The following IFFO1 variants were observed in gnomAD, a reference collection of about 807,000 sequenced individuals.
IFFO1 encodes the protein intermediate filament family orphan 1.
Under a neutral mutation model 59.6 loss-of-function variants are expected in IFFO1, and 42 were observed. That is an observed-to-expected ratio of 0.70 (90% CI 0.55 to 0.91). The LOEUF is 0.91. Ranked by LOEUF, IFFO1 falls within the 40% of genes least tolerant of loss-of-function variation. IFFO1 has a pLI of 0.00. For missense variants in IFFO1, 711 were observed against 793.2 expected (o/e 0.90, Z 1.24); for synonymous variants, 336 against 342.8 (o/e 0.98, Z 0.22).
downstream of IFFO1, chr12:6,538,991 A>ATG (rs1491182994): frequency 2.6e-5 from 4 of 152,202 alleles, no homozygotes; most frequent in African/African-American, 9.7e-5. Flanking sequence ...ATGAACTGAG[A>ATG]TGTGTCAGGG....
Position 6,555,966 on chromosome 12 carries a change from GC to G in IFFO1, c.63del (p.Pro22HisfsTer59), listed in dbSNP as rs1947434103. On this transcript the variant is annotated frameshift_variant, in exon 1 of 10. Coordinates refer to ENST00000619571, the MANE Select transcript of IFFO1 (RefSeq NM_001193457.2). LOFTEE classifies it high-confidence loss of function. This position sits in a 1 kb window ranked among gnomAD's most constrained non-coding sequence, Gnocchi z 8.6. Reference sequence around the variant, plus strand: ...TCGCCTCCCAGTGAGTCCCCCAGTGGCCCGGCCAGGCCCTGCTGCTCCTGCT... The same window carrying G: ...TCGCCTCCCAGTGAGTCCCCCAGTGGCCGGCCAGGCCCTGCTGCTCCTGCT... ...LLQQEQQGLA[G>X]PLGDSLGGDH... 2 of 1,566,194 alleles carry G rather than the reference GC, an allele frequency of 1.3e-6. No homozygotes were observed. The highest frequency in any genetic ancestry group is 1.7e-6 in the Non-Finnish European group (2 of 1,163,078).
chr12:6,555,506 G>A lies in IFFO1; in HGVS notation c.524C>T (p.Ser175Leu). Residue 175 changes from serine (S) to leucine (L), a missense_variant, in exon 1 of 10, where the codon TCG (serine) becomes TTG (leucine). Coordinates refer to ENST00000619571, the MANE Select transcript of IFFO1 (RefSeq NM_001193457.2). The surrounding 1 kb of genome is among the most constrained non-coding windows in gnomAD (Gnocchi z 8.6). ...GGTGGAGGTGGAGGTGGAGGACGACGAGAGGCTGGCCGCGGAGGGCGCGAG... is the reference window on the plus strand; with the variant it reads ...GGTGGAGGTGGAGGTGGAGGACGACAAGAGGCTGGCCGCGGAGGGCGCGAG... ...GPLAPSAASL[S>L]SSSTSTSTTY... The A allele has an allele frequency of 1.3e-6, 2 of 1,594,680 alleles. No individual in the cohort carries two copies. Among genetic ancestry groups the A allele is most frequent in the South Asian group, 1.1e-5 (1 of 89,128 alleles).
intron 1 of IFFO1, chr12:6,551,280 C>T (rs989058489): frequency 1.4e-5 from 9 of 634,044 alleles, no homozygotes; most frequent in African/African-American, 5.5e-5. Context: ...GCTGAGGCTC[C>T]GGTCCTCCGT....
At chr12:6,550,547 T>C (rs1201020633) in intron 3 of IFFO1, 148 bp downstream of exon 3, 2 of 601,768 alleles carry the variant, frequency 3.3e-6, no homozygotes, top group African/African-American at 1.9e-5. Flanking sequence ...TCTCTGGAGT[T>C]AGGGGTGGCT....
chr12:6,540,479 G>T lies in IFFO1; in HGVS notation c.*4C>A, dbSNP rs759934810. 77 of 1,611,472 alleles carry T rather than the reference G, an allele frequency of 4.8e-5. 2 individuals carry two copies. In the Admixed American group the frequency reaches 1.3e-3, roughly 26 times the overall value. On this transcript the variant is annotated 3_prime_UTR_variant, in exon 10 of 10. Coordinates refer to ENST00000619571, the MANE Select transcript of IFFO1 (RefSeq NM_001193457.2). ...GGCCTCGGGTGCAAGGGGGAGGCAGGTCTCTATCTCATGGAGCTGTCAGAT... is the reference window on the plus strand; with the variant it reads ...GGCCTCGGGTGCAAGGGGGAGGCAGTTCTCTATCTCATGGAGCTGTCAGAT...
rs757027134 is a variant in IFFO1, at chr12:6,549,481, T to G, written c.1075A>C (p.Lys359Gln). The G allele has an allele frequency of 2.1e-5, 34 of 1,613,222 alleles. 1 individual carries two copies. Among genetic ancestry groups the G allele is most frequent in the Middle Eastern group, 3.3e-4 (2 of 6,080 alleles). ...TTGCGTGAGATCAAACTAACCAGCT[T>G]CTTCTGTGGAGGAAGCAAGAGAGAA... ...CEDMIQMFQK[K>Q]LSLHLSPIKV... The change falls in exon 5 of 10, where the codon AAG becomes CAG. Residue 359 changes from lysine to glutamine, a missense_variant. Physicochemically the swap from Lys to Gln is moderately conservative, Grantham distance 53. This residue lies in a region of IFFO1 where 579 missense variants were observed against 650.3 expected (regional missense o/e 0.89). Transcript: ENST00000619571. This position sits in a 1 kb window ranked among gnomAD's most constrained non-coding sequence, Gnocchi z 5.0.
At chr12:6,550,438 T>C in intron 3 of IFFO1, 1 of 535,566 alleles carries the variant, frequency 1.9e-6, no homozygotes, top group Non-Finnish European at 3.4e-6. Flanking sequence ...CTGCAGAGCC[T>C]CCACCCCAGA....
chr12:6,544,051 G>T (rs564638439), intron 8 of IFFO1, among the ~76,000 whole-genome samples: 1 of 152,128 alleles, frequency 6.6e-6, no homozygotes, highest in South Asian at 2.1e-4. Context: ...CATTTCCCCC[G>T]GGTCAGTGGA....
chr12:6,543,252 G>A (rs1193587973), intron 8 of IFFO1, among the ~76,000 whole-genome samples: 13 of 152,114 alleles, frequency 8.5e-5, no homozygotes, highest in African/African-American at 7.2e-5. Flanking sequence ...TCCTCCTAAC[G>A]GTTCCCCTAA....
Position 6,549,165 on chromosome 12 carries a change from A to T in IFFO1, c.1080+311T>A. On this transcript the variant is annotated intron_variant, in intron 5 of 9. Coordinates refer to ENST00000619571, the MANE Select transcript of IFFO1 (RefSeq NM_001193457.2). The surrounding 1 kb of genome is among the most constrained non-coding windows in gnomAD (Gnocchi z 5.0). The stretch of plus-strand genomic sequence containing the variant: ...CAAGAGGAAATTTTTTTCTAAAAAA[A>T]GTCTTTTTGATTAAATGACTCAACT... 1 of 509,296 alleles carries T rather than the reference A, an allele frequency of 2.0e-6. No individual in the cohort carries two copies. 31.5% of individuals were successfully genotyped at this position (509,296 alleles called of 1,614,324 possible).
chr12:6,542,465 A>G (rs1946762011), intron 8 of IFFO1, among the ~76,000 whole-genome samples: 1 of 152,200 alleles, frequency 6.6e-6, no homozygotes, highest in African/African-American at 2.4e-5. Context: ...AGGGGCCGCA[A>G]GGGGAAGCAA....
In IFFO1 at chr12:6,549,564, CG is replaced by C; in HGVS notation, c.1072-81del. 7.4e-7 allele frequency: 1 copy of C among 1,359,038 alleles called. No homozygotes were observed. The highest frequency in any genetic ancestry group is 2.3e-5 in the East Asian group (1 of 43,682). 84.2% of individuals were successfully genotyped at this position (1,359,038 alleles called of 1,614,324 possible). ...AGGAGAGAGAGGGGGAAGGGAGAGACGGCGTTAGAGACAGCTTCCACGATGC... is the reference window on the plus strand; with the variant it reads ...AGGAGAGAGAGGGGGAAGGGAGAGACGCGTTAGAGACAGCTTCCACGATGC... On this transcript the variant is annotated intron_variant, in intron 4 of 9. Coordinates refer to ENST00000619571, the MANE Select transcript of IFFO1 (RefSeq NM_001193457.2). The surrounding 1 kb of genome is among the most constrained non-coding windows in gnomAD (Gnocchi z 5.0).
rs1181836648 is a variant in IFFO1 at position 6,548,460 on chromosome 12, C to G, written c.1348G>C (p.Gly450Arg). 1.2e-6 allele frequency: 2 copies of G among 1,613,910 alleles called. No individual in the cohort carries two copies. Among genetic ancestry groups the G allele is most frequent in the Non-Finnish European group, 1.7e-6 (2 of 1,179,860 alleles). The change falls in exon 7 of 10, where the codon GGC (glycine) becomes CGC (arginine). Residue 450 changes from glycine to arginine, a missense_variant. Gly to Arg is a moderately radical substitution (Grantham distance 125). Transcript: ENST00000619571. This position sits in a 1 kb window ranked among gnomAD's most constrained non-coding sequence, Gnocchi z 6.1. Reference sequence around the variant, plus strand: ...GCCTCTGCAGCTGCCATGGCATAGCCTGAGAAATCCTCCCAAAGCAGCAGG... The same window carrying G: ...GCCTCTGCAGCTGCCATGGCATAGCGTGAGAAATCCTCCCAAAGCAGCAGG... ...ETLLLWEDFS[G>R]YAMAAAEAQG... is the part of the protein sequence containing the mutation.
At chr12:6,547,739 A>AAG (rs138238391) in intron 8 of IFFO1, among the ~76,000 whole-genome samples, 4,127 of 145,344 alleles carry the variant, frequency 0.028, 171 homozygotes, top group African/African-American at 0.096. Flanking sequence ...GGGGGAGGGG[A>AAG]AGAGAGAGAG....
At chr12:6,550,656 C>T in intron 3 of IFFO1, 39 bp downstream of exon 3, 1 of 1,530,996 alleles carries the variant, frequency 6.5e-7, no homozygotes, top group Non-Finnish European at 9.0e-7. Context: ...GCCTCAGAAG[C>T]CTCACTTCGA....
intron 8 of IFFO1, among the ~76,000 whole-genome samples, chr12:6,547,066 C>G (rs1946998888): frequency 6.6e-6 from 1 of 152,152 alleles, no homozygotes; most frequent in Admixed American, 6.5e-5. Flanking sequence ...ATTATTTCAT[C>G]TGATCTTCTA....
intron 8 of IFFO1, among the ~76,000 whole-genome samples, chr12:6,544,273 T>C (rs2136103354): frequency 6.6e-6 from 1 of 151,498 alleles, no homozygotes; most frequent in Middle Eastern, 3.4e-3. Flanking sequence ...TTCCAGCAAT[T>C]CTCCTGCCTC....
chr12:6,546,485 CCTTT>C (rs933675233), intron 8 of IFFO1, among the ~76,000 whole-genome samples: 6 of 152,142 alleles, frequency 3.9e-5, no homozygotes, highest in Admixed American at 1.3e-4. Flanking sequence ...AATCCTTCTT[CCTTT>C]GTTTGTATTT....
Position 6,549,678 on chromosome 12 carries a change from T to C in IFFO1, c.1071+78A>G. 6.4e-7 allele frequency: 1 copy of C among 1,552,696 alleles called. No homozygotes were observed. The highest frequency in any genetic ancestry group is 1.8e-5 in the Admixed American group (1 of 56,976). On this transcript the variant is annotated intron_variant, in intron 4 of 9. Transcript: ENST00000619571. This position sits in a 1 kb window ranked among gnomAD's most constrained non-coding sequence, Gnocchi z 5.0. ...GGCTCCCCAAGCAGGAGGCAGGGCC[T>C]GCGTTCCAGGCCAGCCGCCACGGAA...
Sources: allele counts gnomAD v4.1 joint callset (sites outside exome capture counted in the v4.1 genomes callset), GRCh38; gene constraint gnomAD v4.1.1; regional missense constraint gnomAD v4.1.1; non-coding constraint Gnocchi (gnomAD v3.1); transcripts MANE v1.5; gene names NCBI Gene and HGNC (gene_info 2026-07-23, HGNC 2026-07-21).